SRP72: variants seen among roughly 807,000 people sequenced by gnomAD.
SRP72 encodes signal recognition particle subunit SRP72.
In SRP72, 49 loss-of-function variants were observed where a neutral mutation model predicts 96.3. The ratio of observed to expected loss-of-function variants is 0.51; its 90% CI spans 0.40 to 0.65. The LOEUF is 0.65. SRP72 is among the 30% of genes least tolerant of loss of function. The pLI, the probability that SRP72 is intolerant of heterozygous loss-of-function variation, is 0.00. For synonymous variants in SRP72, 267 were observed against 275.2 expected, an observed-to-expected ratio of 0.97 and a Z score of 0.30; for missense variants, 736 against 793.3, an observed-to-expected ratio of 0.93 and a Z score of 0.87.
chr4:56,472,757 TGGACAAATTCATGGATTGTA>T (rs566566005), intron 3 of SRP72, among the ~76,000 whole-genome samples: 68 of 152,330 alleles, frequency 4.5e-4, no homozygotes, highest in African/African-American at 1.6e-3. Context: ...AAGATAGATT[TGGACAAATTCATGGATTGTA>T]GGTCTATAAA....
chr4:56,496,366 C>T (rs1338760977), intron 17 of SRP72, among the ~76,000 whole-genome samples: 1 of 151,990 alleles, frequency 6.6e-6, no homozygotes, highest in Non-Finnish European at 1.5e-5. Flanking sequence ...GTTTTATTAC[C>T]ATTTTAGTGG....
intron 3 of SRP72, among the ~76,000 whole-genome samples, chr4:56,472,585 G>GGGAGGTC (rs1720021425): frequency 6.6e-6 from 1 of 152,002 alleles, no homozygotes; most frequent in Non-Finnish European, 1.5e-5. Context: ...AGCATCAAGT[G>GGGAGGTC]ATTTGCCTGC....
At chr4:56,491,782 G>C (rs1720916166) in intron 16 of SRP72, 3 of 407,962 alleles carry the variant, frequency 7.4e-6, no homozygotes, top group South Asian at 1.1e-4. Flanking sequence ...TATTATTCCA[G>C]AAGTTTTTCT....
intron 8 of SRP72, among the ~76,000 whole-genome samples, chr4:56,482,310 T>C (rs1578185280): frequency 6.7e-6 from 1 of 149,884 alleles, no homozygotes; most frequent in South Asian, 2.1e-4. Flanking sequence ...TAGCCAGGCA[T>C]GGTGGCGGGC....
At position 56,491,557 on chromosome 4, in the gene SRP72, A is replaced by G; in HGVS notation, c.1629A>G (p.Pro543=). Residue 543 remains proline (P), a synonymous_variant, in exon 16 of 19, where the codon CCA becomes CCG. Transcript: ENST00000642900. ...KGGKVTGDSQ[P]KEQGQGDLKK... ...GAAAAGTTACTGGAGATAGTCAACC[A>G]AAGGAACAAGGGTAATATTTTTCAT... The G allele has an allele frequency of 1.2e-6, 2 of 1,613,840 alleles. No individual in the cohort carries two copies. The highest frequency in any genetic ancestry group is 1.7e-6 in the Non-Finnish European group (2 of 1,179,846).
chr4:56,472,752 A>G (rs1186652387), intron 3 of SRP72, among the ~76,000 whole-genome samples: 1 of 152,216 alleles, frequency 6.6e-6, no homozygotes, highest in Non-Finnish European at 1.5e-5. Flanking sequence ...AGTTGAAGAT[A>G]GATTTGGACA....
chr4:56,486,200 C>A, intron 10 of SRP72, 125 bp from the exon 11 acceptor site: 1 of 642,116 alleles, frequency 1.6e-6, no homozygotes. Flanking sequence ...AGATTTTGAC[C>A]TGCAGCCAGA....
chr4:56,497,350 G>C (rs1284383874), intron 17 of SRP72, among the ~76,000 whole-genome samples: 4 of 151,554 alleles, frequency 2.6e-5, no homozygotes, highest in Non-Finnish European at 2.9e-5. Flanking sequence ...CTCCCAAGTA[G>C]CTGGGACTGC....
intron 6 of SRP72, chr4:56,476,915 C>T (rs1720247873): frequency 1.9e-6 from 1 of 525,806 alleles, no homozygotes; most frequent in Non-Finnish European, 3.3e-6. Flanking sequence ...ACCTTAAGCA[C>T]TTGATTATAC....
intron 16 of SRP72, among the ~76,000 whole-genome samples, chr4:56,491,918 T>C (rs1720921352): frequency 6.6e-6 from 1 of 152,222 alleles, no homozygotes; most frequent in South Asian, 2.1e-4. Context: ...TGGAGTACAG[T>C]GGCACAGTCT....
chr4:56,486,392 C>A lies in SRP72; in HGVS notation c.1154C>A (p.Ser385Tyr), dbSNP rs762423768. The stretch of plus-strand genomic sequence containing the variant: ...CTGACCATGGCACAGTTGAAAATTT[C>A]TCAAGGTATTATGGTTTTCATCATG... ...IKLTMAQLKI[S>Y]QGNISKACLI... Residue 385 changes from serine (S) to tyrosine (Y), a missense_variant, in exon 11 of 19, where the codon TCT (serine) becomes TAT (tyrosine). By Grantham distance (144) the Ser-to-Tyr change is moderately radical (BLOSUM62 -2). This residue lies in a region of SRP72 where 388 missense variants were observed against 431.8 expected (regional missense o/e 0.90). Coordinates refer to ENST00000642900, the MANE Select transcript of SRP72 (RefSeq NM_006947.4). 6.3e-7 allele frequency: 1 copy of A among 1,599,184 alleles called. No individual in the cohort carries two copies. Among genetic ancestry groups the A allele is most frequent in the Non-Finnish European group, 8.5e-7 (1 of 1,169,986 alleles).
chr4:56,473,778 AAAAG>A (rs1720086159), intron 3 of SRP72, among the ~76,000 whole-genome samples: 1 of 152,186 alleles, frequency 6.6e-6, no homozygotes, highest in Non-Finnish European at 1.5e-5. Flanking sequence ...AAAAAAAAGA[AAAAG>A]AAAAGAAAGA....
At chr4:56,482,029 G>T (rs1310215563) in intron 8 of SRP72, among the ~76,000 whole-genome samples, 1 of 151,598 alleles carries the variant, frequency 6.6e-6, no homozygotes, top group African/African-American at 2.4e-5. Context: ...CTTCCAAAGT[G>T]CTGGGATTAC....
rs576693218 is a variant in SRP72 at position 56,500,371 on chromosome 4, A to T, written c.1679-165A>T. The T allele has an allele frequency of 2.5e-4, 159 of 645,744 alleles. 1 individual carries two copies. Among genetic ancestry groups the T allele is most frequent in the South Asian group, 1.2e-3 (46 of 39,414 alleles). The allele number at this position is 645,744 out of a possible 1,614,324, so 40.0% of individuals were successfully genotyped here. On this transcript the variant is annotated intron_variant, in intron 17 of 18. Transcript: ENST00000642900. ...CCCAGAACTTAAAGTATAATAATTT[A>T]AAAAAAAAGACCATTTCGCCTGCTA...
chr4:56,489,184 C>T, intron 12 of SRP72: 1 of 413,122 alleles, frequency 2.4e-6, no homozygotes, highest in Non-Finnish European at 4.3e-6. Flanking sequence ...TTACAGATAT[C>T]TACCTTCATA....
intron 10 of SRP72, 119 bp from the exon 11 acceptor site, chr4:56,486,206 C>A (rs1720704736): frequency 1.5e-6 from 1 of 676,880 alleles, no homozygotes; most frequent in Non-Finnish European, 2.3e-6. Context: ...TGACCTGCAG[C>A]CAGAAGTTTA....
rs983379070 is a variant in SRP72, at chr4:56,471,727, C to T, written c.238C>T (p.Leu80Phe). Residue 80 changes from leucine (L) to phenylalanine (F), a missense_variant, in exon 3 of 19, where the codon CTC becomes TTC. By Grantham distance (22) the Leu-to-Phe change is conservative (BLOSUM62 0). This residue lies in a region of SRP72 where 329 missense variants were observed against 319.0 expected (regional missense o/e 1.03). Coordinates refer to ENST00000642900, the MANE Select transcript of SRP72 (RefSeq NM_006947.4). ...TTTTTTTTCCTTCTTCAGTAACTCT[C>T]TCTCCTTTGAAAAGGCATATTGCGA... Reference protein sequence around the residue: ...THTKVLANNSLSFEKAYCEYR... With the variant: ...THTKVLANNSFSFEKAYCEYR... 4 of 1,611,506 alleles carry T rather than the reference C, an allele frequency of 2.5e-6. No homozygotes were observed. Among genetic ancestry groups the T allele is most frequent in the African/African-American group, 1.3e-5 (1 of 74,692 alleles).
intron 15 of SRP72, among the ~76,000 whole-genome samples, chr4:56,491,223 C>T (rs1159273913): frequency 6.6e-6 from 1 of 152,218 alleles, no homozygotes; most frequent in African/African-American, 2.4e-5. Context: ...TATGACTCCT[C>T]ATGTTCTCCT....
intron 2 of SRP72, 90 bp downstream of exon 2, chr4:56,469,863 AT>A (rs1007300003): frequency 8.0e-6 from 10 of 1,244,704 alleles, no homozygotes; most frequent in African/African-American, 3.2e-5. Flanking sequence ...CTATTTGCTG[AT>A]TTTTTTTAAC....
Sources: gnomAD v4.1 joint callset for allele counts (sites outside exome capture counted in the v4.1 genomes callset) on GRCh38, gnomAD v4.1.1 for gene constraint, gnomAD v4.1.1 regional missense constraint, MANE v1.5 for transcripts, NCBI Gene and HGNC (gene_info 2026-07-23, HGNC 2026-07-21) for gene names.